The following GARIN1A variants were observed in gnomAD, a reference collection of about 807,000 sequenced individuals.
The protein encoded by GARIN1A is golgi associated RAB2 interactor 1A.
chr7:128,689,091 G>C, the GARIN1A span, among the ~76,000 whole-genome samples: 1 of 151,972 alleles, frequency 6.6e-6, no homozygotes, highest in Non-Finnish European at 1.5e-5. Flanking sequence ...ATGGAGTCTT[G>C]TTCACTCAGT....
the GARIN1A span, among the ~76,000 whole-genome samples, chr7:128,704,225 G>T: frequency 6.6e-6 from 1 of 151,860 alleles, no homozygotes; most frequent in Non-Finnish European, 1.5e-5. Flanking sequence ...ACAGATGGAG[G>T]GTGGGGGGGC....
the GARIN1A span, chr7:128,683,008 A>G: frequency 3.1e-6 from 5 of 1,610,664 alleles, no homozygotes; most frequent in African/African-American, 5.3e-5. Flanking sequence ...AGCAGCTACA[A>G]GATACCCTCT....
the GARIN1A span, chr7:128,672,262 C>T: frequency 1.5e-6 from 1 of 661,898 alleles, no homozygotes; most frequent in African/African-American, 1.8e-5. Flanking sequence ...GCCCTCCCAG[C>T]CCTGGTGGAC....
the GARIN1A span, among the ~76,000 whole-genome samples, chr7:128,682,420 T>C: frequency 2.0e-5 from 3 of 152,236 alleles, no homozygotes; most frequent in Non-Finnish European, 4.4e-5. Flanking sequence ...AGGCCTTAGC[T>C]CCAGGCTCCC....
chr7:128,707,964 T>A, the GARIN1A span, among the ~76,000 whole-genome samples: 1 of 151,110 alleles, frequency 6.6e-6, no homozygotes, highest in Non-Finnish European at 1.5e-5. Context: ...ACTTCCTTCC[T>A]CCTTTATTTC....
chr7:128,679,067 G>A, the GARIN1A span, among the ~76,000 whole-genome samples: 1 of 136,302 alleles, frequency 7.3e-6, no homozygotes, highest in African/African-American at 2.9e-5. Context: ...TGTATTTGTA[G>A]TTATATATAA....
the GARIN1A span, among the ~76,000 whole-genome samples, chr7:128,707,783 C>T: frequency 6.6e-6 from 1 of 152,148 alleles, no homozygotes; most frequent in Non-Finnish European, 1.5e-5. Flanking sequence ...TAAGTGACAT[C>T]ATACAGTATT....
At chr7:128,672,545 A>T in the GARIN1A span, 14 of 1,601,468 alleles carry the variant, frequency 8.7e-6, no homozygotes, top group South Asian at 1.6e-4. Context: ...AAGCAACTTT[A>T]TCCAGGTACC....
chr7:128,682,619 T>G, the GARIN1A span, among the ~76,000 whole-genome samples: 4 of 152,152 alleles, frequency 2.6e-5, no homozygotes, highest in African/African-American at 9.7e-5. Flanking sequence ...TCTCACTCTG[T>G]CACGTAGGCT....
At chr7:128,700,417 A>G in the GARIN1A span, among the ~76,000 whole-genome samples, 1 of 151,780 alleles carries the variant, frequency 6.6e-6, no homozygotes, top group Non-Finnish European at 1.5e-5. Flanking sequence ...AGTAGCTCAG[A>G]TTACAGGCAT....
the GARIN1A span, among the ~76,000 whole-genome samples, chr7:128,688,700 C>T: frequency 6.6e-6 from 1 of 151,264 alleles, no homozygotes; most frequent in South Asian, 2.1e-4. Context: ...GAGTACCATT[C>T]CTACTCCTCT....
At chr7:128,673,644 G>T in the GARIN1A span, among the ~76,000 whole-genome samples, 2 of 152,188 alleles carry the variant, frequency 1.3e-5, no homozygotes, top group Non-Finnish European at 2.9e-5. Context: ...TTAATTTGGA[G>T]ACTCTTCACA....
At chr7:128,681,515 C>T in the GARIN1A span, among the ~76,000 whole-genome samples, 8 of 136,148 alleles carry the variant, frequency 5.9e-5, no homozygotes, top group Non-Finnish European at 1.1e-4. Context: ...CCTCTCCTCT[C>T]CTTTCCAACA....
chr7:128,706,754 A>G, the GARIN1A span, among the ~76,000 whole-genome samples: 1 of 152,114 alleles, frequency 6.6e-6, no homozygotes, highest in African/African-American at 2.4e-5. Flanking sequence ...AAGTTCTCTG[A>G]TCTGCCTCAT....
chr7:128,683,399 A>C, the GARIN1A span: 3 of 340,192 alleles, frequency 8.8e-6, no homozygotes, highest in Non-Finnish European at 1.6e-5. Flanking sequence ...TTGGAAAAAT[A>C]GGTGGGAAAA....
the GARIN1A span, among the ~76,000 whole-genome samples, chr7:128,706,066 G>A: frequency 4.7e-4 from 71 of 152,026 alleles, no homozygotes; most frequent in African/African-American, 1.7e-3. Flanking sequence ...ATGACTCATA[G>A]GTTCCAATTT....
the GARIN1A span, among the ~76,000 whole-genome samples, chr7:128,700,858 A>G: frequency 1.1e-4 from 16 of 151,938 alleles, no homozygotes; most frequent in Non-Finnish European, 1.9e-4. Context: ...ACGATGCACT[A>G]CCTACACATT....
chr7:128,707,121 T>C, the GARIN1A span, among the ~76,000 whole-genome samples: 2 of 152,084 alleles, frequency 1.3e-5, no homozygotes, highest in Non-Finnish European at 2.9e-5. Context: ...GTTAGGTATA[T>C]ACCTGTGAAG....
At chr7:128,702,357 T>C in the GARIN1A span, among the ~76,000 whole-genome samples, 11 of 152,164 alleles carry the variant, frequency 7.2e-5, no homozygotes, top group Non-Finnish European at 1.3e-4. Flanking sequence ...GTAAACTGTA[T>C]GACAACAATA....
Sources: allele counts gnomAD v4.1 joint callset (sites outside exome capture counted in the v4.1 genomes callset), GRCh38; gene constraint gnomAD v4.1.1; transcripts MANE v1.5; gene names NCBI Gene and HGNC (gene_info 2026-07-23, HGNC 2026-07-21).